The following CA6 variants were observed in gnomAD, a reference collection of about 807,000 sequenced individuals.
CA6 encodes carbonic anhydrase 6.
A neutral mutation model predicts 35.9 loss-of-function variants in CA6; 28 were observed. That is an observed-to-expected ratio of 0.78 (90% CI 0.58 to 1.07). CA6 has a LOEUF of 1.07. CA6 is among the 50% of genes least tolerant of loss of function. The pLI is 0.00. For missense variants in CA6, 377 were observed against 382.0 expected (o/e 0.99, Z 0.11); for synonymous variants, 148 against 152.6 (o/e 0.97, Z 0.22).
chr1:8,961,565 A>T (rs1639843704), intron 4 of CA6, among the ~76,000 whole-genome samples: 1 of 152,222 alleles, frequency 6.6e-6, no homozygotes, highest in East Asian at 1.9e-4. Context: ...AAATGATTAA[A>T]TGGTAAATGA....
At chr1:8,973,507 C>A (rs1640161643) in intron 7 of CA6, among the ~76,000 whole-genome samples, 1 of 152,194 alleles carries the variant, frequency 6.6e-6, no homozygotes, top group Non-Finnish European at 1.5e-5. Flanking sequence ...CGGCCCCAGA[C>A]TGAGGTATTC....
intron 2 of CA6, among the ~76,000 whole-genome samples, chr1:8,950,279 C>T (rs762357976): frequency 4.6e-5 from 7 of 152,016 alleles, no homozygotes; most frequent in South Asian, 2.1e-4. Flanking sequence ...CCACCATGCC[C>T]GGCCTGGAAA....
chr1:8,973,167 G>A (rs1248665849), intron 7 of CA6, among the ~76,000 whole-genome samples: 2 of 152,150 alleles, frequency 1.3e-5, no homozygotes, highest in Admixed American at 6.5e-5. Context: ...TTACAGGCAC[G>A]CGCCCCCACG....
At chr1:8,959,275 C>T (rs1639770858) in intron 4 of CA6, among the ~76,000 whole-genome samples, 1 of 151,850 alleles carries the variant, frequency 6.6e-6, no homozygotes, top group Non-Finnish European at 1.5e-5. Context: ...CAAGGGGAAA[C>T]CTGCAACTCA....
rs551506978 is a variant in CA6, at chr1:8,950,878, AT to A, written c.259+1437del. Among the ~76,000 whole-genome samples the A allele has an allele frequency of 4.4e-3, 662 of 152,126 alleles. 10 individuals carry two copies. Among genetic ancestry groups the A allele is most frequent in the African/African-American group, 0.015 (634 of 41,452 alleles). The stretch of plus-strand genomic sequence containing the variant: ...GAGACCGTTTCTTTAAAATAAAAAA[AT>A]AAAAGGGTCACAGGACTTAGTGTTC... On this transcript the variant is annotated intron_variant, in intron 2 of 7. Transcript: ENST00000377443.
chr1:8,960,204 C>T (rs780361766), intron 4 of CA6, among the ~76,000 whole-genome samples: 2 of 150,738 alleles, frequency 1.3e-5, no homozygotes, highest in Non-Finnish European at 2.9e-5. Flanking sequence ...ACACTCCAGC[C>T]TGGATGACAG....
chr1:8,971,443 C>T (rs751519061), intron 7 of CA6, among the ~76,000 whole-genome samples: 13 of 151,704 alleles, frequency 8.6e-5, no homozygotes, highest in Non-Finnish European at 1.9e-4. Context: ...TCCCCAGTAG[C>T]TGGGACTACA....
intron 2 of CA6, among the ~76,000 whole-genome samples, 160 bp downstream of exon 2, chr1:8,949,602 C>T (rs1226708095): frequency 1.3e-5 from 2 of 152,090 alleles, no homozygotes; most frequent in Admixed American, 6.5e-5. Flanking sequence ...GGCTGACTGG[C>T]CCCGAAACCT....
chr1:8,972,394 C>T (rs560125923), intron 7 of CA6, among the ~76,000 whole-genome samples: 26 of 152,018 alleles, frequency 1.7e-4, no homozygotes, highest in Non-Finnish European at 2.9e-4. Context: ...AAATTTCCTC[C>T]GGGTGTGGCG....
In CA6 at chr1:8,949,339, A is replaced by G; in HGVS notation, c.156A>G (p.Leu52=). 1 of 1,612,814 alleles carries G rather than the reference A, an allele frequency of 6.2e-7. No individual in the cohort carries two copies. Among genetic ancestry groups the G allele is most frequent in the Non-Finnish European group, 8.5e-7 (1 of 1,179,052 alleles). Residue 52 remains leucine, a synonymous_variant, in exon 2 of 8, where the codon CTA becomes CTG. Coordinates refer to ENST00000377443, the MANE Select transcript of CA6 (RefSeq NM_001215.4). ...CGGQRQSPIN[L]QRTKVRYNPS... is the part of the protein sequence containing the mutation. ...GCCAGAGACAGTCGCCTATCAACCT[A>G]CAGAGGACGAAGGTGCGGTACAACC... is the stretch of plus-strand genomic sequence containing the variant.
chr1:8,973,716 CTTT>C (rs1557635428), intron 7 of CA6, among the ~76,000 whole-genome samples: 8 of 9,268 alleles, frequency 8.6e-4, no homozygotes, highest in Admixed American at 3.2e-3. Context: ...CTCTCTCTTT[CTTT>C]CTTTCTTTCT....
intron 7 of CA6, among the ~76,000 whole-genome samples, chr1:8,971,199 G>A (rs78602434): frequency 0.019 from 2,860 of 152,092 alleles, 107 homozygotes; most frequent in African/African-American, 0.065. Flanking sequence ...GAGACAATCA[G>A]AAGCGACAGC....
chr1:8,960,445 C>G (rs1345985018), intron 4 of CA6, among the ~76,000 whole-genome samples: 1 of 146,708 alleles, frequency 6.8e-6, no homozygotes, highest in South Asian at 2.1e-4. Flanking sequence ...TGAAAGGAAA[C>G]TATGTTCAAA....
intron 2 of CA6, chr1:8,951,841 A>G: frequency 3.5e-6 from 1 of 289,430 alleles, no homozygotes; most frequent in Non-Finnish European, 6.1e-6. Context: ...TTTTTTTGAG[A>G]TGGAGTCTTG....
At chr1:8,948,584 C>A (rs183835806) in intron 1 of CA6, among the ~76,000 whole-genome samples, 1 of 151,940 alleles carries the variant, frequency 6.6e-6, no homozygotes, top group East Asian at 1.9e-4. Context: ...GAGGAAGAGG[C>A]CCCAGGAGCA....
Position 8,968,808 on chromosome 1 carries a change from G to T in CA6, c.729+992G>T, listed in dbSNP as rs148987866. 6.9e-3 allele frequency among the ~76,000 whole-genome samples: 1,052 copies of T among 152,066 alleles called. 10 individuals are homozygous for T. Among genetic ancestry groups the T allele is most frequent in the African/African-American group, 0.025 (1,033 of 41,454 alleles). ...AAGTGGGTGGATCACCTGAGGTCAG[G>T]AGTTTGAGATCAGCCTGGCCAACAT... On this transcript the variant is annotated intron_variant, in intron 6 of 7. Coordinates refer to ENST00000377443, the MANE Select transcript of CA6 (RefSeq NM_001215.4).
chr1:8,957,859 G>A (rs1223709308), intron 3 of CA6, among the ~76,000 whole-genome samples: 2 of 151,958 alleles, frequency 1.3e-5, no homozygotes, highest in Non-Finnish European at 2.9e-5. Flanking sequence ...TGAGGAGGCT[G>A]AGGTGGGAGG....
chr1:8,974,297 A>G, intron 7 of CA6: 1 of 1,251,546 alleles, frequency 8.0e-7, no homozygotes. Flanking sequence ...CGATGGCCAA[A>G]TACGGACCTC....
At position 8,960,230 on chromosome 1, in the gene CA6, C is replaced by CA. The variant is rs199920089; in HGVS notation, c.501+1243dup. ...TGGATGACAGAGCGAGACTCCGTCTCAAAAAAAAAAAAAAAGTCGGGCATG... is the reference window on the plus strand; with the variant it reads ...TGGATGACAGAGCGAGACTCCGTCTCAAAAAAAAAAAAAAAAGTCGGGCATG... On this transcript the variant is annotated intron_variant, in intron 4 of 7. Coordinates refer to ENST00000377443, the MANE Select transcript of CA6 (RefSeq NM_001215.4). 6.2e-3 allele frequency among the ~76,000 whole-genome samples: 560 copies of CA among 90,650 alleles called. 1 individual carries two copies. Among genetic ancestry groups the CA allele is most frequent in the Middle Eastern group, 0.033 (4 of 120 alleles). The allele number at this position is 90,650 out of a possible 152,430, so 59.5% of individuals were successfully genotyped here. A position where few individuals can be genotyped will look rare whatever the true frequency, so the allele number is the denominator to read the frequency against.
Sources: gnomAD v4.1 joint callset for allele counts (sites outside exome capture counted in the v4.1 genomes callset) on GRCh38, gnomAD v4.1.1 for gene constraint, MANE v1.5 for transcripts, NCBI Gene and HGNC (gene_info 2026-07-23, HGNC 2026-07-21) for gene names.